Variants in LEF1 observed in about 807,000 individuals in gnomAD.
LEF1 encodes lymphoid enhancer binding factor 1, also known as lymphoid enhancer-binding factor 1.
LEF1 carries 14 observed loss-of-function variants against 51.2 expected under a neutral mutation model. The ratio of observed to expected loss-of-function variants is 0.27; its 90% confidence interval spans 0.18 to 0.43. The LOEUF (loss-of-function observed/expected upper bound fraction) is 0.43. LEF1 is among the 20% of genes least tolerant of loss of function. LEF1 has a pLI of 1.00. For synonymous variants in LEF1, 185 were observed against 183.2 expected (o/e 1.01, Z -0.08); for missense variants, 386 against 512.0 (o/e 0.75, Z 2.37).
chr4:108,165,305 T>C lies in LEF1; in HGVS notation c.214-142A>G. 4.2e-6 allele frequency: 3 copies of C among 718,986 alleles called. No individual in the cohort carries two copies. The South Asian group carries it at 5.0e-5, about 12-fold the overall frequency. 44.5% of individuals were successfully genotyped at this position (718,986 alleles called of 1,614,324 possible). On this transcript the variant is annotated intron_variant, in intron 1 of 11. Transcript: ENST00000265165. Reference sequence around the variant, plus strand: ...GTTTTATACTCTGAGAGACATACGCTAGTGTTTAGTACTGCATAATCCTTT... The same window carrying C: ...GTTTTATACTCTGAGAGACATACGCCAGTGTTTAGTACTGCATAATCCTTT...
intron 3 of LEF1, among the ~76,000 whole-genome samples, chr4:108,119,251 G>C (rs1332323176): frequency 6.7e-6 from 1 of 150,100 alleles, no homozygotes; most frequent in Non-Finnish European, 1.5e-5. Context: ...ATTTGTCTTT[G>C]TTTTCTGTTA....
intron 3 of LEF1, among the ~76,000 whole-genome samples, chr4:108,122,741 C>T (rs1041025874): frequency 1.3e-5 from 2 of 152,300 alleles, no homozygotes; most frequent in East Asian, 3.9e-4. Flanking sequence ...CGACCTTGGC[C>T]TCCTAAAGTG....
chr4:108,134,258 A>G (rs554416273), intron 3 of LEF1, among the ~76,000 whole-genome samples: 19 of 152,214 alleles, frequency 1.2e-4, no homozygotes, highest in South Asian at 6.2e-4. Flanking sequence ...CTCAGTGAAT[A>G]CACAAGTAAG....
At position 108,099,570 on chromosome 4, in the gene LEF1, G is replaced by GTGTATATATA. The variant is rs1266681210; in HGVS notation, c.415-10314_415-10313insTATATATACA. ...TGTGTGTGTGTATGTGTGTGTGTGT[G>GTGTATATATA]TATATATATATATATATATATATAT... On this transcript the variant is annotated intron_variant, in intron 3 of 11. Transcript: ENST00000265165. Among the ~76,000 whole-genome samples the GTGTATATATA allele has an allele frequency of 5.1e-4, 36 of 70,204 alleles. 7 individuals are homozygous for GTGTATATATA. Among genetic ancestry groups the GTGTATATATA allele is most frequent in the South Asian group, 1.2e-3 (2 of 1,658 alleles). The allele number at this position is 70,204 out of a possible 152,430, so 46.1% of individuals were successfully genotyped here.
intron 3 of LEF1, among the ~76,000 whole-genome samples, chr4:108,123,689 TTG>T (rs1161491394): frequency 6.6e-6 from 1 of 151,806 alleles, no homozygotes; most frequent in Non-Finnish European, 1.5e-5. Context: ...TATGTGATAT[TTG>T]TGTGTGTGTG....
At chr4:108,067,861 A>G (rs1161557576) in intron 9 of LEF1, among the ~76,000 whole-genome samples, 2 of 152,024 alleles carry the variant, frequency 1.3e-5, no homozygotes, top group African/African-American at 4.8e-5. Context: ...CTGGGTGAAC[A>G]CTGATCTTCC....
intron 3 of LEF1, among the ~76,000 whole-genome samples, chr4:108,114,757 C>T (rs1312590212): frequency 2.0e-5 from 3 of 152,196 alleles, no homozygotes; most frequent in Non-Finnish European, 4.4e-5. Flanking sequence ...TTAGGACTTC[C>T]GTCAGGGGCT....
At chr4:108,086,689 T>C (rs530108226) in intron 4 of LEF1, among the ~76,000 whole-genome samples, 1 of 152,294 alleles carries the variant, frequency 6.6e-6, no homozygotes, top group Non-Finnish European at 1.5e-5. Flanking sequence ...TTGTCATCTG[T>C]AAGGATAAAA....
At chr4:108,128,916 T>C (rs1339749084) in intron 3 of LEF1, among the ~76,000 whole-genome samples, 3 of 152,082 alleles carry the variant, frequency 2.0e-5, no homozygotes, top group Non-Finnish European at 4.4e-5. Flanking sequence ...TCATAAGTGG[T>C]TGTCTCTAAC....
Position 108,167,441 on chromosome 4 carries a change from G to A in LEF1, c.213+114C>T. On this transcript the variant is annotated intron_variant, in intron 1 of 11. Transcript: ENST00000265165. This position sits in a 1 kb window ranked among gnomAD's most constrained non-coding sequence, Gnocchi z 5.7. The stretch of plus-strand genomic sequence containing the variant: ...ACGCACACACCCCAAAACAAACGAG[G>A]GATCTACTCGGGACCCTCAGCCGGG... 7 of 952,646 alleles carry A rather than the reference G, an allele frequency of 7.3e-6. No individual in the cohort carries two copies. The South Asian group carries it at 9.1e-5, about 12-fold the overall frequency. The allele number at this position is 952,646 out of a possible 1,614,324, so 59.0% of individuals were successfully genotyped here.
Position 108,083,428 on chromosome 4 carries a change from G to A in LEF1, c.566C>T (p.Pro189Leu). The A allele has an allele frequency of 6.2e-7, 1 of 1,612,878 alleles. No homozygotes were observed. The highest frequency in any genetic ancestry group is 8.5e-7 in the Non-Finnish European group (1 of 1,179,042). Residue 189 changes from proline (P) to leucine (L), a missense_variant, in exon 5 of 12, where the codon CCA (proline) becomes CTA (leucine). Pro to Leu is a moderately conservative substitution (Grantham distance 98). Around this residue, in one of 2 missense-constraint regions of LEF1, gnomAD observed 335 missense variants for 390.7 expected, o/e 0.86. Coordinates refer to ENST00000265165, the MANE Select transcript of LEF1 (RefSeq NM_016269.5). The part of the protein sequence containing the change: ...NSKQGMSRHP[P>L]APDIPTFYPL... ...ATAAAAAGTAGGGATATCAGGAGCT[G>A]GAGGATGTCTGGACATGCCTGTTAA...
At chr4:108,114,000 T>A (rs946574807) in intron 3 of LEF1, among the ~76,000 whole-genome samples, 1 of 152,198 alleles carries the variant, frequency 6.6e-6, no homozygotes, top group African/African-American at 2.4e-5. Flanking sequence ...TCTGGAGTTT[T>A]TTTTAAGGCA....
chr4:108,065,231 A>C (rs1336935774), intron 9 of LEF1, among the ~76,000 whole-genome samples: 1 of 152,198 alleles, frequency 6.6e-6, no homozygotes, highest in Non-Finnish European at 1.5e-5. Context: ...TCACACCTGT[A>C]ATCCCGGCAC....
intron 3 of LEF1, among the ~76,000 whole-genome samples, chr4:108,115,171 C>G (rs1741758225): frequency 6.6e-6 from 1 of 152,140 alleles, no homozygotes; most frequent in South Asian, 2.1e-4. Flanking sequence ...TATCTACTGA[C>G]AATGCAAGTA....
chr4:108,064,313 C>G (rs1046024519), intron 10 of LEF1, 23 bp downstream of exon 10: 1 of 1,586,636 alleles, frequency 6.3e-7, no homozygotes, highest in Non-Finnish European at 8.7e-7. Context: ...TGAGGATTGA[C>G]TGGAAAGTCT....
At chr4:108,123,079 C>T (rs1742279167) in intron 3 of LEF1, among the ~76,000 whole-genome samples, 1 of 152,060 alleles carries the variant, frequency 6.6e-6, no homozygotes, top group African/African-American at 2.4e-5. Flanking sequence ...GTGTCCATTT[C>T]TTTTAAGTTT....
At chr4:108,096,157 G>C (rs1380228297) in intron 3 of LEF1, among the ~76,000 whole-genome samples, 1 of 152,164 alleles carries the variant, frequency 6.6e-6, no homozygotes, top group East Asian at 1.9e-4. Flanking sequence ...AGGCATTACA[G>C]TGGTTGATTC....
intron 3 of LEF1, among the ~76,000 whole-genome samples, chr4:108,112,824 A>T (rs1301612114): frequency 1.3e-5 from 2 of 152,246 alleles, no homozygotes; most frequent in Non-Finnish European, 2.9e-5. Flanking sequence ...TTAATCCTAT[A>T]CCCTTGTAGA....
chr4:108,054,300 G>A (rs773441426), intron 11 of LEF1, among the ~76,000 whole-genome samples: 2 of 152,226 alleles, frequency 1.3e-5, no homozygotes, highest in East Asian at 1.9e-4. Context: ...GTGCAGAGCC[G>A]GGCGAGTGCA....
Sources: allele counts gnomAD v4.1 joint callset (sites outside exome capture counted in the v4.1 genomes callset), GRCh38; gene constraint gnomAD v4.1.1; regional missense constraint gnomAD v4.1.1; non-coding constraint Gnocchi (gnomAD v3.1); transcripts MANE v1.5; gene names NCBI Gene and HGNC (gene_info 2026-07-23, HGNC 2026-07-21).